The following ABTB3 variants were observed in gnomAD, a reference collection of about 807,000 sequenced individuals.
The protein encoded by ABTB3 is ankyrin repeat- and BTB/POZ domain-containing protein 3.
the ABTB3 span, among the ~76,000 whole-genome samples, chr12:107,482,807 TTTTTTCTTTCTTTCTTTC>T: frequency 3.3e-5 from 5 of 151,754 alleles, no homozygotes; most frequent in Admixed American, 6.6e-5. Flanking sequence ...CTCTCTCTTT[TTTTTTCTTTCTTTCTTTC>T]TTTTTCTTTC....
the ABTB3 span, among the ~76,000 whole-genome samples, chr12:107,611,987 CA>C: frequency 0.016 from 2,379 of 152,236 alleles, 63 homozygotes; most frequent in African/African-American, 0.055. Context: ...TGATTTCTTC[CA>C]TTCCTTTTAT....
chr12:107,427,548 G>A, the ABTB3 span, among the ~76,000 whole-genome samples: 1 of 152,104 alleles, frequency 6.6e-6, no homozygotes, highest in African/African-American at 2.4e-5. Context: ...GCCTGGCTCT[G>A]TGTCCCTCTT....
the ABTB3 span, among the ~76,000 whole-genome samples, chr12:107,625,894 C>T: frequency 1.3e-5 from 2 of 152,168 alleles, no homozygotes; most frequent in Admixed American, 6.5e-5. Flanking sequence ...TCTAGCCTTC[C>T]CACTTGACTT....
the ABTB3 span, among the ~76,000 whole-genome samples, chr12:107,512,625 T>C: frequency 6.6e-6 from 1 of 152,172 alleles, no homozygotes; most frequent in African/African-American, 2.4e-5. Context: ...AAGTAGGGAT[T>C]GAGTAACCAA....
chr12:107,394,717 C>T, the ABTB3 span, among the ~76,000 whole-genome samples: 2 of 152,156 alleles, frequency 1.3e-5, no homozygotes, highest in Non-Finnish European at 1.5e-5. Context: ...TTAAATAAGT[C>T]GATACCATAA....
At chr12:107,445,106 T>G in the ABTB3 span, among the ~76,000 whole-genome samples, 2 of 152,210 alleles carry the variant, frequency 1.3e-5, no homozygotes, top group Non-Finnish European at 2.9e-5. Context: ...CTGCTGATAA[T>G]TGCACAGCTG....
At chr12:107,550,903 AAAAT>A in the ABTB3 span, among the ~76,000 whole-genome samples, 6 of 152,310 alleles carry the variant, frequency 3.9e-5, no homozygotes, top group Admixed American at 2.6e-4. Context: ...TACTTTTAAA[AAAAT>A]AAATAACCCA....
the ABTB3 span, among the ~76,000 whole-genome samples, chr12:107,347,142 A>C: frequency 1.1e-4 from 16 of 152,276 alleles, no homozygotes; most frequent in African/African-American, 3.6e-4. Flanking sequence ...AGCTGATTAC[A>C]TTTTGACTGT....
the ABTB3 span, among the ~76,000 whole-genome samples, chr12:107,511,853 A>G: frequency 1.3e-5 from 2 of 152,226 alleles, no homozygotes; most frequent in East Asian, 3.8e-4. Flanking sequence ...TTCTGGAGCA[A>G]GCAACTATGA....
At chr12:107,564,746 G>A in the ABTB3 span, among the ~76,000 whole-genome samples, 1 of 152,220 alleles carries the variant, frequency 6.6e-6, no homozygotes, top group Non-Finnish European at 1.5e-5. Context: ...GTATTCCAGG[G>A]ATTCCCACTC....
At chr12:107,333,665 A>C in the ABTB3 span, among the ~76,000 whole-genome samples, 5 of 152,244 alleles carry the variant, frequency 3.3e-5, no homozygotes, top group Admixed American at 2.0e-4. Context: ...CATTTGTTCA[A>C]TAGCTATTTA....
At chr12:107,517,729 A>G in the ABTB3 span, among the ~76,000 whole-genome samples, 27,462 of 152,126 alleles carry the variant, frequency 0.18, 3,111 homozygotes, top group East Asian at 0.29. Context: ...CTAAAACACC[A>G]AAAGCAATGG....
chr12:107,456,411 A>C, the ABTB3 span, among the ~76,000 whole-genome samples: 1 of 152,204 alleles, frequency 6.6e-6, no homozygotes, highest in African/African-American at 2.4e-5. Flanking sequence ...AGATTCTCAG[A>C]GTGGCACGAA....
At chr12:107,642,786 G>T in the ABTB3 span, among the ~76,000 whole-genome samples, 1 of 151,726 alleles carries the variant, frequency 6.6e-6, no homozygotes, top group Admixed American at 6.6e-5. Context: ...AGGCTTCCTG[G>T]TCCAAGGCCA....
the ABTB3 span, among the ~76,000 whole-genome samples, chr12:107,620,937 T>G: frequency 6.6e-6 from 1 of 152,310 alleles, no homozygotes; most frequent in Middle Eastern, 3.4e-3. Flanking sequence ...ACAGCCTTTG[T>G]GGAACTCTGG....
chr12:107,499,362 CTGTGTG>C, the ABTB3 span, among the ~76,000 whole-genome samples: 31 of 149,572 alleles, frequency 2.1e-4, no homozygotes, highest in Non-Finnish European at 4.3e-4. Context: ...AAGAGGGAAG[CTGTGTG>C]TGTGTGTGTG....
the ABTB3 span, among the ~76,000 whole-genome samples, chr12:107,582,777 T>C: frequency 6.6e-6 from 1 of 152,178 alleles, no homozygotes; most frequent in Non-Finnish European, 1.5e-5. Flanking sequence ...CTGTGCTGCC[T>C]CCTGTTTTCA....
At chr12:107,400,334 TG>T in the ABTB3 span, among the ~76,000 whole-genome samples, 1 of 152,150 alleles carries the variant, frequency 6.6e-6, no homozygotes, top group Non-Finnish European at 1.5e-5. Flanking sequence ...CAACTCAGGT[TG>T]CCAGGCCTCT....
chr12:107,351,731 A>G, the ABTB3 span, among the ~76,000 whole-genome samples: 1 of 152,190 alleles, frequency 6.6e-6, no homozygotes, highest in East Asian at 1.9e-4. Context: ...TCCCAGCCTC[A>G]AGAACAATGA....
Sources: gnomAD v4.1 joint callset for allele counts (sites outside exome capture counted in the v4.1 genomes callset) on GRCh38, gnomAD v4.1.1 for gene constraint, MANE v1.5 for transcripts, NCBI Gene and HGNC (gene_info 2026-07-23, HGNC 2026-07-21) for gene names.